TEAD3: variants seen among roughly 807,000 people sequenced by gnomAD.
TEAD3 encodes the protein TEA domain transcription factor 3.
Under a neutral mutation model 55.6 loss-of-function variants are expected in TEAD3, and 15 were observed. The ratio of observed to expected loss-of-function variants is 0.27; its 90% confidence interval spans 0.18 to 0.42. The LOEUF (loss-of-function observed/expected upper bound fraction) is 0.42, where lower values mean the gene tolerates loss of function less well. Ranked by LOEUF, TEAD3 falls within the 10% of genes least tolerant of loss-of-function variation. The pLI, the probability that TEAD3 is intolerant of heterozygous loss-of-function variation, is 1.00. For synonymous variants in TEAD3, 210 were observed against 232.2 expected, an observed-to-expected ratio of 0.90 and a Z score of 0.87; for missense variants, 407 against 576.8, an observed-to-expected ratio of 0.71 and a Z score of 3.01.
At position 35,483,280 on chromosome 6, in the gene TEAD3, G is replaced by A. The variant is rs192996168; in HGVS notation, c.267+1280C>T. Among the ~76,000 whole-genome samples the A allele has an allele frequency of 6.6e-6, 1 of 152,282 alleles. No individual in the cohort carries two copies. On this transcript the variant is annotated intron_variant, in intron 3 of 12. Coordinates refer to ENST00000639578, the Ensembl canonical transcript of TEAD3. The surrounding 1 kb of genome is among the most constrained non-coding windows in gnomAD (Gnocchi z 4.5). ...CAGAACCTTCCTTTGAGAAAGAGGT[G>A]GAACAGGCCAGACTTGACATATGCA... is the stretch of plus-strand genomic sequence containing the variant.
chr6:35,486,860 G>A lies in TEAD3; in HGVS notation c.-49-149C>T. ...CCAGGTGGAACGGAGGTAACCAGAG[G>A]AACAACCACAGCTTGTTCAGAGCTG... On this transcript the variant is annotated intron_variant, in intron 1 of 12. Coordinates refer to ENST00000639578, the Ensembl canonical transcript of TEAD3. This position sits in a 1 kb window ranked among gnomAD's most constrained non-coding sequence, Gnocchi z 7.3. 3.3e-6 allele frequency: 2 copies of A among 612,124 alleles called. No individual in the cohort carries two copies. The highest frequency in any genetic ancestry group is 4.0e-5 in the South Asian group (2 of 50,346). 37.9% of individuals were successfully genotyped at this position (612,124 alleles called of 1,614,324 possible). A position where few individuals can be genotyped will look rare whatever the true frequency, so the allele number is the denominator to read the frequency against.
chr6:35,482,632 C>G (rs1581724999), intron 3 of TEAD3, among the ~76,000 whole-genome samples: 2 of 152,306 alleles, frequency 1.3e-5, no homozygotes, highest in African/African-American at 4.8e-5. Flanking sequence ...CCCAGCTTGG[C>G]TGGATGTGGT....
chr6:35,473,773 G>C (rs1267589935), downstream of TEAD3: 1 of 152,222 alleles, frequency 6.6e-6, no homozygotes, highest in Non-Finnish European at 1.5e-5. Flanking sequence ...TAAAACCTAG[G>C]TGGGGTTTGG....
intron 5 of TEAD3, among the ~76,000 whole-genome samples, 167 bp downstream of exon 5, chr6:35,479,138 A>G (rs923351693): frequency 3.3e-5 from 5 of 152,136 alleles, no homozygotes; most frequent in Non-Finnish European, 2.9e-5. Context: ...TCTGCCTCCC[A>G]AAGTGCTGGG....
At position 35,475,182 on chromosome 6, in the gene TEAD3, T is replaced by A. The variant is rs375296105; in HGVS notation, c.1195-25A>T. 2.8e-5 allele frequency: 44 copies of A among 1,568,520 alleles called. No homozygotes were observed. Among genetic ancestry groups the A allele is most frequent in the Non-Finnish European group, 3.7e-5 (43 of 1,156,022 alleles). The stretch of plus-strand genomic sequence containing the variant: ...CCTGGGGGGTGAGCAGGTAAGAGAT[T>A]CAGGAGGTCAGGGAGAAAAGGGCCA... On this transcript the variant is annotated intron_variant, in intron 12 of 12. Transcript: ENST00000639578. This position sits in a 1 kb window ranked among gnomAD's most constrained non-coding sequence, Gnocchi z 5.4.
rs1184827517 is a variant in TEAD3, at chr6:35,496,725, A to AT, written c.-50+172dup. ...GCGGGGGGCGGGGCTTCCCGGAGAG[A>AT]TTTTCCCCCTTCCCTCTAAACTTCC... On this transcript the variant is annotated intron_variant, in intron 1 of 12. Transcript: ENST00000639578. The surrounding 1 kb of genome is among the most constrained non-coding windows in gnomAD (Gnocchi z 4.8). Among the ~76,000 whole-genome samples, 2 of 150,214 alleles carry AT rather than the reference A, an allele frequency of 1.3e-5. No homozygotes were observed. The highest frequency in any genetic ancestry group is 2.0e-4 in the East Asian group (1 of 4,934).
At chr6:35,480,048 G>C (rs1768233626) in intron 4 of TEAD3, 1 of 1,500,544 alleles carries the variant, frequency 6.7e-7, no homozygotes, top group Admixed American at 2.0e-5. Flanking sequence ...CCAGGTGGCA[G>C]GGGCCCCGTA....
chr6:35,475,366 G>A lies in TEAD3; in HGVS notation c.1164C>T (p.Asn388=). The change falls in exon 12 of 13, where the codon AAC becomes AAT. Residue 388 remains asparagine (N), a synonymous_variant. Transcript: ENST00000639578. The surrounding 1 kb of genome is among the most constrained non-coding windows in gnomAD (Gnocchi z 5.4). ...GGATGGTGAAGTTCTCCAGCACGCT[G>A]TTCATCATGTACTTCTCGGGCAGGT... 1 of 1,614,092 alleles carries A rather than the reference G, an allele frequency of 6.2e-7. No individual in the cohort carries two copies. The highest frequency in any genetic ancestry group is 8.5e-7 in the Non-Finnish European group (1 of 1,179,980).
intron 1 of TEAD3, among the ~76,000 whole-genome samples, chr6:35,490,986 G>A (rs1169403546): frequency 6.6e-6 from 1 of 152,110 alleles, no homozygotes; most frequent in African/African-American, 2.4e-5. Context: ...GAGGGTCAAG[G>A]GGAGGGAGAC....
At position 35,475,426 on chromosome 6, in the gene TEAD3, G is replaced by A. The variant is rs752726507; in HGVS notation, c.1104C>T (p.Cys368=). ...TGTGGATGAAGTTGATCATGTACTC[G>A]CACATGGGCGAGCGGTGGATACGGT... The change falls in exon 12 of 13, where the codon TGC becomes TGT. Residue 368 remains cysteine, a synonymous_variant. Transcript: ENST00000639578. This position sits in a 1 kb window ranked among gnomAD's most constrained non-coding sequence, Gnocchi z 5.4. 3 of 1,613,852 alleles carry A rather than the reference G, an allele frequency of 1.9e-6. No individual in the cohort carries two copies. Among genetic ancestry groups the A allele is most frequent in the Non-Finnish European group, 1.7e-6 (2 of 1,179,970 alleles).
chr6:35,484,688 C>A lies in TEAD3; in HGVS notation c.203-64G>T. ...GGGTGGAGCCAGAGGCTGGAGGCCC[C>A]CACCCCACCGGGAAGCCACTCCAGG... On this transcript the variant is annotated intron_variant, in intron 2 of 12. Transcript: ENST00000639578. This position sits in a 1 kb window ranked among gnomAD's most constrained non-coding sequence, Gnocchi z 5.8. 2 of 1,467,702 alleles carry A rather than the reference C, an allele frequency of 1.4e-6. No homozygotes were observed. The highest frequency in any genetic ancestry group is 1.9e-6 in the Non-Finnish European group (2 of 1,070,834). 90.9% of individuals were successfully genotyped at this position (1,467,702 alleles called of 1,614,324 possible). A position where few individuals can be genotyped will look rare whatever the true frequency, so the allele number is the denominator to read the frequency against.
At chr6:35,490,614 A>G (rs1480970731) in intron 1 of TEAD3, among the ~76,000 whole-genome samples, 1 of 152,204 alleles carries the variant, frequency 6.6e-6, no homozygotes, top group Non-Finnish European at 1.5e-5. Context: ...GTGGGCAGGC[A>G]GCTGCCCCCG....
chr6:35,480,026 G>C, intron 4 of TEAD3: 1 of 1,467,334 alleles, frequency 6.8e-7, no homozygotes, highest in Non-Finnish European at 9.1e-7. Context: ...GGAGGGTGCT[G>C]GGCAGGCCAG....
Position 35,475,444 on chromosome 6 carries a change from G to C in TEAD3, c.1086C>G (p.Ile362Met). ...TGTACTCGCACATGGGCGAGCGGTG[G>C]ATACGGTACACAAAGCGCCCGTTCT... The change falls in exon 12 of 13, where the codon ATC becomes ATG. Residue 362 changes from isoleucine to methionine, a missense_variant. Ile to Met is a conservative substitution (Grantham distance 10). Coordinates refer to ENST00000639578, the Ensembl canonical transcript of TEAD3. This position sits in a 1 kb window ranked among gnomAD's most constrained non-coding sequence, Gnocchi z 5.4. 1.2e-6 allele frequency: 2 copies of C among 1,613,938 alleles called. No individual in the cohort carries two copies. Among genetic ancestry groups the C allele is most frequent in the Non-Finnish European group, 1.7e-6 (2 of 1,179,898 alleles).
intron 3 of TEAD3, among the ~76,000 whole-genome samples, chr6:35,481,866 A>G (rs1247282285): frequency 6.6e-6 from 1 of 152,240 alleles, no homozygotes; most frequent in Non-Finnish European, 1.5e-5. Flanking sequence ...TGAAAGTCAC[A>G]CAGAGCTTCA....
chr6:35,478,017 ATTT>A (rs57932235), intron 7 of TEAD3, among the ~76,000 whole-genome samples: 3 of 137,814 alleles, frequency 2.2e-5, no homozygotes, highest in Non-Finnish European at 3.2e-5. Flanking sequence ...CACCCAGCTA[ATTT>A]TTTTTTTTTT....
rs1032442875 is a variant in TEAD3 at position 35,485,773 on chromosome 6, C to T, written c.202+688G>A. ...CGGACCTGATCCCTTCCCACAGGCG[C>T]GCCCTGGGAAGGGCTGGGCCTGCCT... On this transcript the variant is annotated intron_variant, in intron 2 of 12. Transcript: ENST00000639578. The surrounding 1 kb of genome is among the most constrained non-coding windows in gnomAD (Gnocchi z 4.3). 1.1e-4 allele frequency among the ~76,000 whole-genome samples: 16 copies of T among 152,268 alleles called. No individual in the cohort carries two copies. The highest frequency in any genetic ancestry group is 4.1e-4 in the South Asian group (2 of 4,828).
chr6:35,489,803 C>G (rs1768469981), intron 1 of TEAD3, among the ~76,000 whole-genome samples: 2 of 152,080 alleles, frequency 1.3e-5, no homozygotes, highest in Non-Finnish European at 1.5e-5. Context: ...TCCCAGCACT[C>G]TGGGAAGCTC....
exon 5 of TEAD3, chr6:35,479,315 G>A (rs1561804385): frequency 6.2e-7 from 1 of 1,614,000 alleles, no homozygotes; most frequent in Non-Finnish European, 8.5e-7. Flanking sequence ...CAGGTTCATG[G>A]CCTGTGAGGG....
Sources: gnomAD v4.1 joint callset for allele counts (sites outside exome capture counted in the v4.1 genomes callset) on GRCh38, gnomAD v4.1.1 for gene constraint, Gnocchi (gnomAD v3.1) non-coding constraint, MANE v1.5 for transcripts, NCBI Gene and HGNC (gene_info 2026-07-23, HGNC 2026-07-21) for gene names.